Variants in ADIPOR2 observed in about 807,000 individuals in gnomAD.
ADIPOR2 encodes adiponectin receptor protein 2.
Under a neutral mutation model 40.9 loss-of-function variants are expected in ADIPOR2, and 18 were observed. The ratio of observed to expected loss-of-function variants is 0.44; its 90% CI spans 0.30 to 0.65. ADIPOR2 has a LOEUF of 0.65. Ranked by LOEUF, ADIPOR2 falls within the 30% of genes least tolerant of loss-of-function variation. The pLI is 0.09. For missense variants in ADIPOR2, 283 were observed against 479.2 expected (o/e 0.59, Z 3.82); for synonymous variants, 165 against 166.4 (o/e 0.99, Z 0.06).
In ADIPOR2 at chr12:1,783,972, A is replaced by G. The variant is rs1217792959; in HGVS notation, c.931A>G (p.Ile311Val). The G allele has an allele frequency of 8.7e-6, 14 of 1,613,784 alleles. No individual in the cohort carries two copies. The highest frequency in any genetic ancestry group is 1.3e-5 in the African/African-American group (1 of 74,886). The change falls in exon 7 of 8, where the codon ATA (isoleucine) becomes GTA (valine). Residue 311 changes from isoleucine to valine, a missense_variant. Physicochemically the swap from Ile to Val is conservative, Grantham distance 29 (BLOSUM62 3). Around this residue, in one of 3 missense-constraint regions of ADIPOR2, gnomAD observed 106 missense variants for 149.7 expected, o/e 0.71. Coordinates refer to ENST00000357103, the MANE Select transcript of ADIPOR2 (RefSeq NM_024551.3). ...CCTTAAGGCCGCCACCATAGGGCAG[A>G]TAGGCTGGTTGATGCTGATGGCCAG... The part of the protein sequence containing the change: ...GFLKAATIGQ[I>V]GWLMLMASLY...
At chr12:1,780,692 G>A (rs1862697411) in intron 5 of ADIPOR2, 55 bp downstream of exon 5, 4 of 1,457,488 alleles carry the variant, frequency 2.7e-6, no homozygotes, top group South Asian at 1.4e-5. Flanking sequence ...AGTGCGTTAG[G>A]GAAAAACATT....
chr12:1,755,311 C>G (rs562692734), intron 2 of ADIPOR2, among the ~76,000 whole-genome samples: 53 of 152,232 alleles, frequency 3.5e-4, no homozygotes, highest in Non-Finnish European at 1.2e-4. Flanking sequence ...ATCTCAACCT[C>G]CTTATCCACC....
intron 4 of ADIPOR2, 60 bp downstream of exon 4, chr12:1,778,085 G>A: frequency 6.5e-7 from 1 of 1,527,660 alleles, no homozygotes; most frequent in Non-Finnish European, 8.8e-7. Flanking sequence ...TTATTTTCAT[G>A]TATTTGAGGG....
At chr12:1,779,076 G>A (rs529598147) in intron 4 of ADIPOR2, among the ~76,000 whole-genome samples, 27 of 152,242 alleles carry the variant, frequency 1.8e-4, no homozygotes, top group Admixed American at 1.2e-3. Flanking sequence ...ACTTTCATAC[G>A]TTGCCAGTAG....
chr12:1,778,876 T>A (rs931372054), intron 4 of ADIPOR2, among the ~76,000 whole-genome samples: 6 of 152,250 alleles, frequency 3.9e-5, no homozygotes, highest in Non-Finnish European at 4.4e-5. Context: ...ATAGATGTTC[T>A]TCCAGAGAAG....
chr12:1,759,026 A>T (rs1346895450), intron 2 of ADIPOR2, among the ~76,000 whole-genome samples: 2 of 152,242 alleles, frequency 1.3e-5, no homozygotes, highest in Non-Finnish European at 2.9e-5. Flanking sequence ...AGCTGCCTTT[A>T]TGAGAATTGG....
At chr12:1,775,140 T>C (rs1370711300) in intron 3 of ADIPOR2, among the ~76,000 whole-genome samples, 1 of 152,272 alleles carries the variant, frequency 6.6e-6, no homozygotes, top group Non-Finnish European at 1.5e-5. Context: ...CCAGCTGTTT[T>C]TTTAAGAAAT....
At chr12:1,740,735 A>G (rs971170254) in intron 1 of ADIPOR2, among the ~76,000 whole-genome samples, 2 of 152,230 alleles carry the variant, frequency 1.3e-5, no homozygotes, top group African/African-American at 4.8e-5. Flanking sequence ...TGTGTGTACT[A>G]TGTGACAGAT....
At chr12:1,744,313 C>G (rs111834392) in intron 1 of ADIPOR2, among the ~76,000 whole-genome samples, 3 of 152,000 alleles carry the variant, frequency 2.0e-5, no homozygotes, top group Non-Finnish European at 4.4e-5. Context: ...ACCACGTTAG[C>G]CAGAATGGTC....
At chr12:1,711,832 C>A (rs1002030315) in intron 1 of ADIPOR2, among the ~76,000 whole-genome samples, 1 of 152,132 alleles carries the variant, frequency 6.6e-6, no homozygotes, top group Non-Finnish European at 1.5e-5. Flanking sequence ...TGGGTTTTTG[C>A]ACTGTGTGCA....
At chr12:1,749,029 C>G (rs1430645204) in intron 1 of ADIPOR2, among the ~76,000 whole-genome samples, 1 of 152,154 alleles carries the variant, frequency 6.6e-6, no homozygotes, top group African/African-American at 2.4e-5. Flanking sequence ...CTCCCATGGC[C>G]CCCTCTTTGG....
intron 1 of ADIPOR2, among the ~76,000 whole-genome samples, chr12:1,752,039 C>G (rs1403755063): frequency 1.3e-5 from 2 of 149,956 alleles, no homozygotes; most frequent in Middle Eastern, 3.4e-3. Flanking sequence ...TCCTAAGTAG[C>G]TGGGATTACA....
At chr12:1,744,677 A>G (rs2094751167) in intron 1 of ADIPOR2, among the ~76,000 whole-genome samples, 2 of 152,262 alleles carry the variant, frequency 1.3e-5, no homozygotes, top group African/African-American at 4.8e-5. Context: ...CTTTCTGGTA[A>G]TAAAAGCACT....
At chr12:1,731,161 AGC>A (rs1229144855) in intron 1 of ADIPOR2, 2 of 152,028 alleles carry the variant, frequency 1.3e-5, no homozygotes, top group African/African-American at 4.8e-5. Context: ...CCTGGGCTCA[AGC>A]GATCCTCCTC....
chr12:1,750,747 G>T (rs1478821380), intron 1 of ADIPOR2, among the ~76,000 whole-genome samples: 3 of 152,048 alleles, frequency 2.0e-5, no homozygotes, highest in Non-Finnish European at 4.4e-5. Flanking sequence ...ATATTGTGGG[G>T]TTTTAGGATG....
rs1038209707 is a variant in ADIPOR2 at position 1,783,935 on chromosome 12, C to T, written c.894C>T (p.Ile298=). 2 of 1,613,710 alleles carry T rather than the reference C, an allele frequency of 1.2e-6. No individual in the cohort carries two copies. The highest frequency in any genetic ancestry group is 1.7e-6 in the Non-Finnish European group (2 of 1,179,802). The change falls in exon 7 of 8, where the codon ATC becomes ATT. Residue 298 remains isoleucine (I), a synonymous_variant. Coordinates refer to ENST00000357103, the MANE Select transcript of ADIPOR2 (RefSeq NM_024551.3). ...SGIIPTLHYV[I]SEGFLKAATI... ...TCATTCCTACCTTGCACTATGTCAT[C>T]TCGGAGGGGTTCCTTAAGGCCGCCA...
chr12:1,710,874 G>A (rs779888449), intron 1 of ADIPOR2, among the ~76,000 whole-genome samples: 28 of 152,054 alleles, frequency 1.8e-4, no homozygotes, highest in African/African-American at 3.1e-4. Context: ...TGATGGCATC[G>A]ATCCTGGAGG....
At chr12:1,698,787 T>C (rs1240378767) in intron 1 of ADIPOR2, among the ~76,000 whole-genome samples, 2 of 152,174 alleles carry the variant, frequency 1.3e-5, no homozygotes, top group African/African-American at 4.8e-5. Context: ...TGTTATCACA[T>C]TGCCACCCAG....
intron 1 of ADIPOR2, among the ~76,000 whole-genome samples, 180 bp downstream of exon 1, chr12:1,691,371 C>T (rs1184196796): frequency 1.3e-5 from 2 of 152,182 alleles, no homozygotes; most frequent in Non-Finnish European, 2.9e-5. Flanking sequence ...GACCTGCCGC[C>T]CGGCGCGCCT....
Sources: gnomAD v4.1 joint callset for allele counts (sites outside exome capture counted in the v4.1 genomes callset) on GRCh38, gnomAD v4.1.1 for gene constraint, gnomAD v4.1.1 regional missense constraint, MANE v1.5 for transcripts, NCBI Gene and HGNC (gene_info 2026-07-23, HGNC 2026-07-21) for gene names.